The following STPG2 variants were observed in gnomAD, a reference collection of about 807,000 sequenced individuals.
STPG2 encodes sperm tail PG-rich repeat containing 2, also known as sperm-tail PG-rich repeat-containing protein 2.
Under a neutral mutation model 54.2 loss-of-function variants are expected in STPG2, and 56 were observed. That is an observed-to-expected ratio of 1.03 (90% CI 0.83 to 1.29). The LOEUF (loss-of-function observed/expected upper bound fraction) is 1.29, where lower values mean the gene tolerates loss of function less well. STPG2 is among the 50% of genes most tolerant of loss of function. STPG2 has a pLI of 0.00. For missense variants in STPG2, 596 were observed against 544.9 expected (o/e 1.09, Z -0.93); for synonymous variants, 200 against 181.8 (o/e 1.10, Z -0.81).
At chr4:97,666,102 C>T (rs1444538723) in intron 10 of STPG2, among the ~76,000 whole-genome samples, 3 of 152,128 alleles carry the variant, frequency 2.0e-5, no homozygotes, top group African/African-American at 7.2e-5. Context: ...TCCCAGCCCC[C>T]AAGAGCACAG....
chr4:97,784,078 AAAAG>A (rs1399498542), intron 9 of STPG2, among the ~76,000 whole-genome samples: 17 of 151,750 alleles, frequency 1.1e-4, no homozygotes, highest in African/African-American at 3.6e-4. Context: ...TAAAAAAAAA[AAAAG>A]AAAAAGAAAA....
chr4:98,044,631 A>C (rs1409200433), intron 5 of STPG2, among the ~76,000 whole-genome samples: 1 of 152,166 alleles, frequency 6.6e-6, no homozygotes, highest in East Asian at 1.9e-4. Flanking sequence ...GTCCATTCTT[A>C]AGGAACTGCT....
chr4:98,142,905 C>T (rs1364147950), intron 1 of STPG2, 137 bp downstream of exon 1: 12 of 756,158 alleles, frequency 1.6e-5, no homozygotes, highest in Non-Finnish European at 2.3e-5. Context: ...ATAGTGTTTT[C>T]CCTGCCTACT....
intron 8 of STPG2, among the ~76,000 whole-genome samples, chr4:97,859,532 T>C (rs1179384356): frequency 6.6e-6 from 1 of 151,318 alleles, no homozygotes; most frequent in Non-Finnish European, 1.5e-5. Flanking sequence ...TGGGGCGATC[T>C]GCCCTCACTG....
chr4:97,752,797 C>A (rs1050985016), intron 9 of STPG2, among the ~76,000 whole-genome samples: 2 of 151,816 alleles, frequency 1.3e-5, no homozygotes, highest in Non-Finnish European at 2.9e-5. Flanking sequence ...AATACTAAAA[C>A]CCTTCAGGGC....
chr4:98,027,388 T>A (rs567619231), intron 5 of STPG2, among the ~76,000 whole-genome samples: 1 of 152,272 alleles, frequency 6.6e-6, no homozygotes, highest in South Asian at 2.1e-4. Flanking sequence ...CCCAAGAGTC[T>A]TAACTCATTA....
chr4:97,919,648 A>G (rs1732022497), intron 8 of STPG2, among the ~76,000 whole-genome samples: 1 of 152,178 alleles, frequency 6.6e-6, no homozygotes. Context: ...TATTTATTAA[A>G]GGAACTGAAT....
chr4:97,686,613 A>G (rs1723195892), intron 10 of STPG2, among the ~76,000 whole-genome samples: 1 of 152,238 alleles, frequency 6.6e-6, no homozygotes, highest in East Asian at 1.9e-4. Flanking sequence ...ATTCGTTCAC[A>G]TACTCCCCAA....
intron 8 of STPG2, among the ~76,000 whole-genome samples, chr4:97,866,314 T>C (rs1032874747): frequency 2.0e-5 from 3 of 152,000 alleles, no homozygotes; most frequent in Non-Finnish European, 2.9e-5. Flanking sequence ...CTTACTAGGA[T>C]TTGATTATTA....
intron 5 of STPG2, among the ~76,000 whole-genome samples, chr4:98,074,616 T>G (rs1738103645): frequency 6.6e-6 from 1 of 152,164 alleles, no homozygotes; most frequent in South Asian, 2.1e-4. Flanking sequence ...TTTACTCAGT[T>G]TTTCAGTCTA....
chr4:97,789,186 T>C (rs1249245470), intron 9 of STPG2, among the ~76,000 whole-genome samples: 4 of 151,936 alleles, frequency 2.6e-5, no homozygotes, highest in Non-Finnish European at 4.4e-5. Context: ...ACCTTTCTCA[T>C]AGGATAGTTG....
At chr4:97,828,119 C>A (rs1728322593) in intron 9 of STPG2, among the ~76,000 whole-genome samples, 1 of 152,116 alleles carries the variant, frequency 6.6e-6, no homozygotes, top group Non-Finnish European at 1.5e-5. Flanking sequence ...ATAGGAACAG[C>A]CCTGGTCTGC....
chr4:97,650,330 A>G (rs1722029844), intron 10 of STPG2, among the ~76,000 whole-genome samples: 1 of 152,174 alleles, frequency 6.6e-6, no homozygotes, highest in Non-Finnish European at 1.5e-5. Context: ...ACTCTGTAAA[A>G]TATTTGAAGA....
At chr4:97,654,168 T>C (rs1508470) in intron 10 of STPG2, among the ~76,000 whole-genome samples, 90,885 of 151,900 alleles carry the variant, frequency 0.6, 27,711 homozygotes, top group African/African-American at 0.71. Context: ...TCCAGACAAA[T>C]GGAAGGTATC....
intron 4 of STPG2, among the ~76,000 whole-genome samples, chr4:97,518,851 G>A (rs772796184): frequency 6.6e-6 from 1 of 152,050 alleles, no homozygotes; most frequent in Admixed American, 6.6e-5. Flanking sequence ...CTCCCTACCA[G>A]CTCAGGCTCA....
At chr4:98,000,440 C>T (rs975369623) in intron 5 of STPG2, among the ~76,000 whole-genome samples, 2 of 148,706 alleles carry the variant, frequency 1.3e-5, no homozygotes, top group African/African-American at 2.5e-5. Context: ...AAAGTATGTG[C>T]TAAATACAGT....
At chr4:97,969,919 T>C (rs1384398751) in intron 7 of STPG2, among the ~76,000 whole-genome samples, 1 of 152,182 alleles carries the variant, frequency 6.6e-6, no homozygotes, top group East Asian at 1.9e-4. Flanking sequence ...AACTCCATCG[T>C]CTCAGCCCAA....
chr4:98,017,949 G>C (rs1022900533), intron 5 of STPG2, among the ~76,000 whole-genome samples: 2 of 152,070 alleles, frequency 1.3e-5, no homozygotes, highest in African/African-American at 4.8e-5. Flanking sequence ...ATGATTGTAA[G>C]TTTCCTGAGG....
chr4:97,726,505 T>C (rs573879547), intron 9 of STPG2, among the ~76,000 whole-genome samples: 7 of 152,048 alleles, frequency 4.6e-5, no homozygotes, highest in South Asian at 4.1e-4. Context: ...AAGAAAGTAA[T>C]GATCTAGATC....
Sources: gnomAD v4.1 joint callset for allele counts (sites outside exome capture counted in the v4.1 genomes callset) on GRCh38, gnomAD v4.1.1 for gene constraint, MANE v1.5 for transcripts, NCBI Gene and HGNC (gene_info 2026-07-23, HGNC 2026-07-21) for gene names.